The following SETD7 variants were observed in gnomAD, a reference collection of about 807,000 sequenced individuals.
The protein encoded by SETD7 is histone-lysine N-methyltransferase SETD7.
Under a neutral mutation model 41.8 loss-of-function variants are expected in SETD7, and 16 were observed. That is an observed-to-expected ratio of 0.38 (90% CI 0.26 to 0.58). The LOEUF (loss-of-function observed/expected upper bound fraction) is 0.58. Ranked by LOEUF, SETD7 falls within the 20% of genes least tolerant of loss-of-function variation. SETD7 has a pLI of 0.64. For missense variants in SETD7, 346 were observed against 459.7 expected (o/e 0.75, Z 2.26); for synonymous variants, 163 against 169.7 (o/e 0.96, Z 0.31).
intron 1 of SETD7, among the ~76,000 whole-genome samples, chr4:139,552,695 C>T (rs78552456): frequency 0.013 from 1,977 of 152,222 alleles, 40 homozygotes; most frequent in African/African-American, 0.042. Context: ...TGGGTGCACC[C>T]GCAGAATTCC....
intron 1 of SETD7, among the ~76,000 whole-genome samples, chr4:139,551,431 T>C (rs1728106982): frequency 6.6e-6 from 1 of 152,256 alleles, no homozygotes; most frequent in Admixed American, 6.5e-5. Flanking sequence ...AGTCTACTTT[T>C]TCACTTTATT....
downstream of SETD7, among the ~76,000 whole-genome samples, chr4:139,505,866 T>C (rs1053090842): frequency 6.6e-6 from 1 of 152,210 alleles, no homozygotes; most frequent in African/African-American, 2.4e-5. Context: ...TGGAATCATA[T>C]CAAATCCTCC....
chr4:139,539,991 C>A (rs1240555834), intron 2 of SETD7, among the ~76,000 whole-genome samples: 2 of 152,070 alleles, frequency 1.3e-5, no homozygotes, highest in Non-Finnish European at 2.9e-5. Context: ...TCTAAGCCAC[C>A]CAGTCTATGG....
chr4:139,518,153 G>T, intron 6 of SETD7, 111 bp from the exon 7 acceptor site: 3 of 1,181,470 alleles, frequency 2.5e-6, no homozygotes, highest in Non-Finnish European at 3.4e-6. Context: ...TTTGAGACAG[G>T]GTCTCACTCT....
chr4:139,536,700 ACT>A (rs552263439), intron 2 of SETD7, among the ~76,000 whole-genome samples: 7 of 143,726 alleles, frequency 4.9e-5, no homozygotes, highest in African/African-American at 1.6e-4. Flanking sequence ...TGACAGCGAG[ACT>A]CTGTCTTAAA....
Position 139,517,943 on chromosome 4 carries a change from A to G in SETD7, c.862T>C (p.Cys288Arg), listed in dbSNP as rs1278949925. ...TTTGCCTTGTGTCCCAAGGAGGCAC[A>G]GTACTTGGATACGTGGTTATAGGGC... is the stretch of plus-strand genomic sequence containing the variant. ...PEPYNHVSKY[C>R]ASLGHKANHS... The change falls in exon 7 of 8, where the codon TGT becomes CGT. Residue 288 changes from cysteine (C) to arginine (R), a missense_variant. By Grantham distance (180) the Cys-to-Arg change is radical. Transcript: ENST00000274031. The G allele has an allele frequency of 1.2e-6, 2 of 1,613,934 alleles. No individual in the cohort carries two copies. The highest frequency in any genetic ancestry group is 2.7e-5 in the African/African-American group (2 of 74,920).
downstream of SETD7, among the ~76,000 whole-genome samples, chr4:139,505,511 TC>T (rs994521435): frequency 3.3e-5 from 5 of 151,600 alleles, no homozygotes; most frequent in Non-Finnish European, 5.9e-5. Context: ...GTCGCTTGAA[TC>T]CCGGAGGTGG....
At chr4:139,514,109 C>A (rs906166352) in intron 7 of SETD7, among the ~76,000 whole-genome samples, 3 of 152,056 alleles carry the variant, frequency 2.0e-5, no homozygotes, top group African/African-American at 7.3e-5. Context: ...ATGGTGAAAC[C>A]CCACCTCTAC....
At chr4:139,515,018 C>G (rs1579203161) in intron 7 of SETD7, among the ~76,000 whole-genome samples, 1 of 151,900 alleles carries the variant, frequency 6.6e-6, no homozygotes, top group African/African-American at 2.4e-5. Flanking sequence ...ATACAAAAAT[C>G]AGCCAGGCGT....
chr4:139,543,760 G>C (rs926752232), intron 2 of SETD7, among the ~76,000 whole-genome samples: 1 of 148,060 alleles, frequency 6.8e-6, no homozygotes, highest in African/African-American at 2.5e-5. Flanking sequence ...AGACCATCCT[G>C]GCTAACAAGG....
intron 2 of SETD7, among the ~76,000 whole-genome samples, chr4:139,537,737 T>C (rs1375281685): frequency 6.6e-6 from 1 of 152,190 alleles, no homozygotes; most frequent in African/African-American, 2.4e-5. Context: ...CATTTTGCAT[T>C]GAGAAGAGAA....
At chr4:139,497,753 C>G (rs1036855748) in intron 7 of SETD7, among the ~76,000 whole-genome samples, 3 of 151,830 alleles carry the variant, frequency 2.0e-5, no homozygotes, top group East Asian at 2.0e-4. Flanking sequence ...CCACTACGCC[C>G]GGCTAATTTT....
chr4:139,525,046 A>T (rs1727286741), intron 4 of SETD7, among the ~76,000 whole-genome samples: 1 of 152,078 alleles, frequency 6.6e-6, no homozygotes, highest in Non-Finnish European at 1.5e-5. Context: ...TGAACTCCTG[A>T]CCTCTAGTGA....
chr4:139,506,322 C>T lies in SETD7; in HGVS notation c.*5341G>A, dbSNP rs554275100. ...GTTTTAGTTCAAATTCCACAAGAGA[C>T]CAAAGATGCTCGTTAACCGTGATGG... On this transcript the variant is annotated 3_prime_UTR_variant, in exon 8 of 8. Transcript: ENST00000274031. 5 of 152,714 alleles carry T rather than the reference C, an allele frequency of 3.3e-5. No homozygotes were observed. In the East Asian group the frequency reaches 9.6e-4, roughly 29 times the overall value. The allele number at this position is 152,714 out of a possible 1,614,324, so 9.5% of individuals were successfully genotyped here.
rs1478834120 is a variant in SETD7 at position 139,542,279 on chromosome 4, C to CA, written c.170+4640dup. Among the ~76,000 whole-genome samples the CA allele has an allele frequency of 4.6e-5, 7 of 152,252 alleles. No homozygotes were observed. The South Asian group carries it at 8.3e-4, about 18-fold the overall frequency. On this transcript the variant is annotated intron_variant, in intron 2 of 7. Transcript: ENST00000274031. Reference sequence around the variant, plus strand: ...GGAAGGATGGGGAGAGGTTGGTCAACAGGTACAAAGTTACAGTTAGATAGC... The same window carrying CA: ...GGAAGGATGGGGAGAGGTTGGTCAACAAGGTACAAAGTTACAGTTAGATAGC...
At position 139,512,559 on chromosome 4, in the gene SETD7, G is replaced by A. The variant is rs954370367; in HGVS notation, c.921-716C>T. On this transcript the variant is annotated intron_variant, in intron 7 of 7. Coordinates refer to ENST00000274031, the MANE Select transcript of SETD7 (RefSeq NM_030648.4). Reference sequence around the variant, plus strand: ...AACACTATGGCTATGTTCATTTGCCGAAGGCTCCCAATCCTGTTCATCTGC... The same window carrying A: ...AACACTATGGCTATGTTCATTTGCCAAAGGCTCCCAATCCTGTTCATCTGC... Among the ~76,000 whole-genome samples, 5 of 152,056 alleles carry A rather than the reference G, an allele frequency of 3.3e-5. No homozygotes were observed. The South Asian group carries it at 6.2e-4, about 19-fold the overall frequency.
chr4:139,504,539 T>A (rs938378131), downstream of SETD7, among the ~76,000 whole-genome samples: 1 of 152,212 alleles, frequency 6.6e-6, no homozygotes, highest in African/African-American at 2.4e-5. Context: ...AGGCTTCTTA[T>A]TGAACAATCC....
At chr4:139,522,424 A>G (rs538376215) in intron 5 of SETD7, among the ~76,000 whole-genome samples, 8 of 152,378 alleles carry the variant, frequency 5.3e-5, no homozygotes, top group South Asian at 2.1e-4. Context: ...CATAAATAAG[A>G]CATGAAGTAG....
intron 7 of SETD7, among the ~76,000 whole-genome samples, chr4:139,514,482 G>A (rs182410711): frequency 1.4e-3 from 214 of 151,588 alleles, no homozygotes; most frequent in African/African-American, 4.8e-3. Flanking sequence ...GTGTAGATAA[G>A]GGACAGACTG....
Sources: gnomAD v4.1 joint callset for allele counts (sites outside exome capture counted in the v4.1 genomes callset) on GRCh38, gnomAD v4.1.1 for gene constraint, MANE v1.5 for transcripts, NCBI Gene and HGNC (gene_info 2026-07-23, HGNC 2026-07-21) for gene names.